Variants in NRIP1 observed in about 807,000 individuals in gnomAD.
NRIP1 encodes nuclear receptor-interacting protein 1.
Under a neutral mutation model 75.0 loss-of-function variants are expected in NRIP1, and 28 were observed. That is an observed-to-expected ratio of 0.37 (90% CI 0.28 to 0.51). The LOEUF is 0.51. Ranked by LOEUF, NRIP1 falls within the 20% of genes least tolerant of loss-of-function variation. NRIP1 has a pLI of 0.92. For missense variants in NRIP1, 1,435 were observed against 1,343.7 expected, an observed-to-expected ratio of 1.07 and a Z score of -1.06; for synonymous variants, 526 against 487.6, an observed-to-expected ratio of 1.08 and a Z score of -1.04.
intron 1 of NRIP1, among the ~76,000 whole-genome samples, chr21:15,047,324 G>A (rs889970397): frequency 2.0e-5 from 3 of 152,214 alleles, no homozygotes; most frequent in Admixed American, 6.5e-5. Context: ...GGCAGATCAC[G>A]AGGTCAGGAG....
chr21:15,006,528 C>A (rs1291824880), intron 3 of NRIP1, among the ~76,000 whole-genome samples: 1 of 152,142 alleles, frequency 6.6e-6, no homozygotes, highest in Non-Finnish European at 1.5e-5. Flanking sequence ...CCATCTATAA[C>A]ATGCTGGTTT....
intron 3 of NRIP1, among the ~76,000 whole-genome samples, chr21:15,012,739 C>G (rs1600869127): frequency 6.6e-6 from 1 of 152,022 alleles, no homozygotes; most frequent in Admixed American, 6.6e-5. Flanking sequence ...GTGTGAGACA[C>G]CATGCCTGGC....
chr21:15,034,062 T>G (rs2088775779), intron 2 of NRIP1, among the ~76,000 whole-genome samples: 1 of 152,242 alleles, frequency 6.6e-6, no homozygotes, highest in Non-Finnish European at 1.5e-5. Flanking sequence ...CAATTTCTAT[T>G]GCAAATTCAC....
intron 3 of NRIP1, among the ~76,000 whole-genome samples, chr21:14,974,002 C>G (rs2086978533): frequency 6.6e-6 from 1 of 151,800 alleles, no homozygotes; most frequent in African/African-American, 2.4e-5. Flanking sequence ...AATTTTAGTT[C>G]ATTTTAACCC....
intron 3 of NRIP1, among the ~76,000 whole-genome samples, chr21:14,988,746 GGGAA>G (rs2087482654): frequency 1.3e-5 from 2 of 152,006 alleles, no homozygotes; most frequent in Non-Finnish European, 2.9e-5. Context: ...GAACAACACT[GGGAA>G]CCTAACTAAT....
At chr21:15,064,590 G>C (rs966861492) in intron 1 of NRIP1, among the ~76,000 whole-genome samples, 155 bp downstream of exon 1, 45 of 151,852 alleles carry the variant, frequency 3.0e-4, no homozygotes, top group African/African-American at 9.4e-4. Context: ...AGGCAGCAGA[G>C]GCAGGATTTC....
Position 15,046,085 on chromosome 21 carries a change from T to C in NRIP1, c.-537-2511A>G, listed in dbSNP as rs184363535. Among the ~76,000 whole-genome samples, 787 of 152,354 alleles carry C rather than the reference T, an allele frequency of 5.2e-3. 8 individuals are homozygous for C. Among genetic ancestry groups the C allele is most frequent in the Middle Eastern group, 6.8e-3 (2 of 294 alleles). ...TTTCAAACTCCTATTAATGTTAGTA[T>C]TTTGACCTCCTCCCATTAATCACAA... On this transcript the variant is annotated intron_variant, in intron 1 of 3. Transcript: ENST00000318948.
In NRIP1 at chr21:14,968,485, T is replaced by G. The variant is rs543969166; in HGVS notation, c.-293A>C. ...TCCTTAGTGAATATATTCCTTTTCCTTCTTCATCTTTTGTTCCCCATTAAA... is the reference window on the plus strand; with the variant it reads ...TCCTTAGTGAATATATTCCTTTTCCGTCTTCATCTTTTGTTCCCCATTAAA... On this transcript the variant is annotated 5_prime_UTR_variant, in exon 4 of 4. Coordinates refer to ENST00000318948, the MANE Select transcript of NRIP1 (RefSeq NM_003489.4). 1 of 272,378 alleles carries G rather than the reference T, an allele frequency of 3.7e-6. No homozygotes were observed. The highest frequency in any genetic ancestry group is 1.2e-4 in the South Asian group (1 of 8,188). 16.9% of individuals were successfully genotyped at this position (272,378 alleles called of 1,614,324 possible). A position where few individuals can be genotyped will look rare whatever the true frequency, so the allele number is the denominator to read the frequency against.
Position 14,967,171 on chromosome 21 carries a change from C to T in NRIP1, c.1022G>A (p.Ser341Asn), listed in dbSNP as rs746207693. 6.2e-7 allele frequency: 1 copy of T among 1,614,122 alleles called. No individual in the cohort carries two copies. Among genetic ancestry groups the T allele is most frequent in the South Asian group, 1.1e-5 (1 of 91,080 alleles). ...TSSSKLMASK[S>N]SATVFQNPMG... ...TGGATTTTGAAACACTGTAGCACTA[C>T]TTTTGCTAGCCATCAGTTTGCTTGA... The change falls in exon 4 of 4, where the codon AGT becomes AAT. Residue 341 changes from serine (S) to asparagine (N), a missense_variant. Ser to Asn is a conservative substitution (Grantham distance 46). Transcript: ENST00000318948.
chr21:14,967,274 T>G lies in NRIP1; in HGVS notation c.919A>C (p.Asn307His). ...RLAAMARLQE[N>H]GQKDVGSYQL... is the part of the protein sequence containing the mutation. ...TAACTGCCAACATCCTTCTGGCCATTTTCTTGCAATCTGGCCATAGCAGCA... is the reference window on the plus strand; with the variant it reads ...TAACTGCCAACATCCTTCTGGCCATGTTCTTGCAATCTGGCCATAGCAGCA... Residue 307 changes from asparagine (N) to histidine (H), a missense_variant, in exon 4 of 4, where the codon AAT (asparagine) becomes CAT (histidine). Asn to His is a moderately conservative substitution (Grantham distance 68, BLOSUM62 1). Transcript: ENST00000318948. The G allele has an allele frequency of 6.2e-7, 1 of 1,613,990 alleles. No individual in the cohort carries two copies. Among genetic ancestry groups the G allele is most frequent in the Non-Finnish European group, 8.5e-7 (1 of 1,179,972 alleles).
At chr21:15,020,898 A>C (rs751149381) in intron 2 of NRIP1, among the ~76,000 whole-genome samples, 2 of 152,114 alleles carry the variant, frequency 1.3e-5, no homozygotes, top group Non-Finnish European at 2.9e-5. Context: ...AAAGACTGAA[A>C]AAACTCAAAG....
At chr21:15,010,903 A>AC (rs2088086008) in intron 3 of NRIP1, among the ~76,000 whole-genome samples, 1 of 152,174 alleles carries the variant, frequency 6.6e-6, no homozygotes, top group African/African-American at 2.4e-5. Flanking sequence ...AGATTTTCTT[A>AC]CCAGGGTTAT....
chr21:15,012,688 T>C (rs1229654483), intron 3 of NRIP1, among the ~76,000 whole-genome samples: 1 of 152,124 alleles, frequency 6.6e-6, no homozygotes, highest in South Asian at 2.1e-4. Flanking sequence ...CCTGACCTCA[T>C]GATCTGCCCA....
At chr21:15,003,046 C>T (rs563777465) in intron 3 of NRIP1, among the ~76,000 whole-genome samples, 2 of 152,092 alleles carry the variant, frequency 1.3e-5, no homozygotes, top group African/African-American at 4.8e-5. Flanking sequence ...ATCTAGAGTT[C>T]TGGTGTTCTT....
intron 3 of NRIP1, among the ~76,000 whole-genome samples, chr21:14,987,121 G>A (rs187960064): frequency 1.3e-3 from 205 of 152,202 alleles, no homozygotes; most frequent in African/African-American, 4.5e-3. Flanking sequence ...TTTTGGAGAC[G>A]GATGGCTCTG....
chr21:15,051,280 G>A (rs1265056432), intron 1 of NRIP1: 1 of 165,926 alleles, frequency 6.0e-6, no homozygotes, highest in African/African-American at 2.4e-5. Flanking sequence ...CTCTGTGTGT[G>A]TGTGCGCGTG....
intron 2 of NRIP1, among the ~76,000 whole-genome samples, chr21:15,015,608 TTAAA>T (rs1341646089): frequency 1.1e-4 from 17 of 152,192 alleles, no homozygotes; most frequent in East Asian, 3.9e-4. Flanking sequence ...TTAGAAATAG[TTAAA>T]TAAACTACAG....
chr21:14,964,622 C>A lies in NRIP1; in HGVS notation c.*94G>T. On this transcript the variant is annotated 3_prime_UTR_variant, in exon 4 of 4. Transcript: ENST00000318948. The stretch of plus-strand genomic sequence containing the variant: ...AAAATGAAAAAAGTTTCAATTATAC[C>A]ATGCTTTTTTTCAAATCATGCTCTT... 8 of 989,420 alleles carry A rather than the reference C, an allele frequency of 8.1e-6. No homozygotes were observed. Among genetic ancestry groups the A allele is most frequent in the South Asian group, 4.3e-5 (2 of 46,846 alleles). The allele number at this position is 989,420 out of a possible 1,614,324, so 61.3% of individuals were successfully genotyped here. A position where few individuals can be genotyped will look rare whatever the true frequency, so the allele number is the denominator to read the frequency against.
chr21:14,970,830 T>C (rs2086884814), intron 3 of NRIP1, among the ~76,000 whole-genome samples: 1 of 152,252 alleles, frequency 6.6e-6, no homozygotes, highest in Admixed American at 6.5e-5. Context: ...CTTTTTACTG[T>C]GCATGATATA....
Sources: allele counts gnomAD v4.1 joint callset (sites outside exome capture counted in the v4.1 genomes callset), GRCh38; gene constraint gnomAD v4.1.1; transcripts MANE v1.5; gene names NCBI Gene and HGNC (gene_info 2026-07-23, HGNC 2026-07-21).